The following ARHGAP20 variants were observed in gnomAD, a reference collection of about 807,000 sequenced individuals.
ARHGAP20 encodes Rho GTPase activating protein 20.
A neutral mutation model predicts 73.7 loss-of-function variants in ARHGAP20; 34 were observed. That is an observed-to-expected ratio of 0.46 (90% CI 0.35 to 0.61). ARHGAP20 has a LOEUF of 0.61. ARHGAP20 is among the 20% of genes least tolerant of loss of function. ARHGAP20 has a pLI of 0.00. For synonymous variants in ARHGAP20, 523 were observed against 518.2 expected, an observed-to-expected ratio of 1.01 and a Z score of -0.13; for missense variants, 1,314 against 1,420.9, an observed-to-expected ratio of 0.92 and a Z score of 1.21.
intron 2 of ARHGAP20, among the ~76,000 whole-genome samples, chr11:110,635,599 C>T (rs1273080386): frequency 2.0e-5 from 3 of 151,960 alleles, no homozygotes; most frequent in Non-Finnish European, 4.4e-5. Context: ...TTTCAAGAAG[C>T]GAAGTCTATT....
intron 11 of ARHGAP20, among the ~76,000 whole-genome samples, chr11:110,588,822 A>T (rs1399548894): frequency 6.6e-6 from 1 of 152,228 alleles, no homozygotes; most frequent in East Asian, 1.9e-4. Context: ...GTTTTAAAAC[A>T]CAAGCTTGGG....
rs1947456858 is a variant in ARHGAP20 at position 110,581,157 on chromosome 11, C to T, written c.1789G>A (p.Asp597Asn). ...TTTACCAAGTCACTGCATGGTGCAT[C>T]AACATCCTCATTTAGCTCATTTTCC... ...SLENELNEDVDAPCSDLVKKL... is the reference protein window; with the variant it reads ...SLENELNEDVNAPCSDLVKKL... The change falls in exon 15 of 15, where the codon GAT becomes AAT. Residue 597 changes from aspartate (D) to asparagine (N), a missense_variant. This residue lies in a region of ARHGAP20 where 230 missense variants were observed against 317.6 expected (regional missense o/e 0.72). Coordinates refer to ENST00000683387, the MANE Select transcript of ARHGAP20 (RefSeq NM_001384657.1). The T allele has an allele frequency of 1.2e-6, 2 of 1,614,062 alleles. No individual in the cohort carries two copies.
intron 2 of ARHGAP20, among the ~76,000 whole-genome samples, chr11:110,677,484 T>C (rs1172881712): frequency 1.3e-5 from 2 of 151,972 alleles, no homozygotes; most frequent in South Asian, 4.2e-4. Flanking sequence ...CGAAACCCAG[T>C]CTCTACAAAA....
At chr11:110,687,405 A>G (rs533989585) in intron 2 of ARHGAP20, among the ~76,000 whole-genome samples, 2 of 152,248 alleles carry the variant, frequency 1.3e-5, no homozygotes, top group African/African-American at 4.8e-5. Flanking sequence ...TTTTGCTACT[A>G]CTAAGAATCT....
chr11:110,637,783 G>A (rs145785631), intron 2 of ARHGAP20, among the ~76,000 whole-genome samples: 3 of 152,212 alleles, frequency 2.0e-5, no homozygotes, highest in Non-Finnish European at 4.4e-5. Flanking sequence ...GACCCTATCT[G>A]AGACTGCATT....
intron 2 of ARHGAP20, among the ~76,000 whole-genome samples, chr11:110,642,072 T>G (rs7951046): frequency 0.31 from 47,690 of 151,856 alleles, 8,361 homozygotes; most frequent in African/African-American, 0.48. Flanking sequence ...AGGAACGAAA[T>G]AATTAAACCT....
intron 2 of ARHGAP20, among the ~76,000 whole-genome samples, chr11:110,680,017 G>A (rs1183770244): frequency 6.6e-6 from 1 of 152,140 alleles, no homozygotes; most frequent in Non-Finnish European, 1.5e-5. Flanking sequence ...TAGTCAAGTT[G>A]AGGCAAGACC....
At chr11:110,643,116 T>C (rs1949110650) in intron 2 of ARHGAP20, among the ~76,000 whole-genome samples, 1 of 152,066 alleles carries the variant, frequency 6.6e-6, no homozygotes, top group Non-Finnish European at 1.5e-5. Flanking sequence ...GTGAGATTGG[T>C]TGTAACATCA....
intron 2 of ARHGAP20, among the ~76,000 whole-genome samples, chr11:110,689,099 C>G (rs553812108): frequency 6.6e-6 from 1 of 151,182 alleles, no homozygotes; most frequent in East Asian, 2.0e-4. Flanking sequence ...CCCCGGTTCA[C>G]GCCATTCTCC....
At chr11:110,692,424 C>T (rs1178983865) in intron 1 of ARHGAP20, among the ~76,000 whole-genome samples, 1 of 152,100 alleles carries the variant, frequency 6.6e-6, no homozygotes, top group East Asian at 1.9e-4. Flanking sequence ...TTTACAGGAC[C>T]AATTTACTAC....
At position 110,673,435 on chromosome 11, in the gene ARHGAP20, G is replaced by A. The variant is rs1212659580; in HGVS notation, c.188+17112C>T. On this transcript the variant is annotated intron_variant, in intron 2 of 14. Transcript: ENST00000683387. ...ATAAAAAAATTTTAAAATCAGATACGATACAACCATATTCTCTGATACAAG... is the reference window on the plus strand; with the variant it reads ...ATAAAAAAATTTTAAAATCAGATACAATACAACCATATTCTCTGATACAAG... Among the ~76,000 whole-genome samples, 12 of 152,018 alleles carry A rather than the reference G, an allele frequency of 7.9e-5. No individual in the cohort carries two copies. In the South Asian group the frequency reaches 1.7e-3, roughly 21 times the overall value.
intron 2 of ARHGAP20, among the ~76,000 whole-genome samples, chr11:110,689,615 G>A (rs1950203460): frequency 6.6e-6 from 1 of 152,162 alleles, no homozygotes; most frequent in Non-Finnish European, 1.5e-5. Flanking sequence ...TAGGTAGCTA[G>A]TCAGGTGTGA....
At chr11:110,690,703 C>A in intron 1 of ARHGAP20, 74 bp from the exon 2 acceptor site, 1 of 1,437,380 alleles carries the variant, frequency 7.0e-7, no homozygotes, top group Non-Finnish European at 9.7e-7. Context: ...TTTTTAAATC[C>A]AATTTAACAA....
At chr11:110,702,181 T>C (rs1950465944) in intron 1 of ARHGAP20, among the ~76,000 whole-genome samples, 2 of 152,102 alleles carry the variant, frequency 1.3e-5, no homozygotes, top group South Asian at 4.1e-4. Flanking sequence ...AAAAAGCTTA[T>C]CCACCATGAT....
intron 7 of ARHGAP20, among the ~76,000 whole-genome samples, chr11:110,609,957 T>G (rs753324678): frequency 6.6e-6 from 1 of 152,152 alleles, no homozygotes; most frequent in Admixed American, 6.5e-5. Flanking sequence ...CTGAAAACAC[T>G]GTAATAATAA....
intron 1 of ARHGAP20, among the ~76,000 whole-genome samples, chr11:110,694,614 T>C (rs1435421051): frequency 6.6e-6 from 1 of 151,712 alleles, no homozygotes; most frequent in Non-Finnish European, 1.5e-5. Context: ...CATGGATTAA[T>C]TACATATTCA....
chr11:110,604,814 C>T (rs185809954), intron 9 of ARHGAP20, among the ~76,000 whole-genome samples: 1 of 152,104 alleles, frequency 6.6e-6, no homozygotes, highest in Non-Finnish European at 1.5e-5. Flanking sequence ...TACTGATTTA[C>T]CAATGACTTT....
At chr11:110,623,939 C>T (rs1457144184) in intron 4 of ARHGAP20, among the ~76,000 whole-genome samples, 3 of 152,160 alleles carry the variant, frequency 2.0e-5, no homozygotes, top group Non-Finnish European at 4.4e-5. Flanking sequence ...TTAATTTTCA[C>T]ATATTTTAAT....
At chr11:110,607,101 T>C (rs1948252369) in intron 8 of ARHGAP20, among the ~76,000 whole-genome samples, 1 of 152,154 alleles carries the variant, frequency 6.6e-6, no homozygotes. Context: ...ATTAACTAGA[T>C]ATATAAATTT....
Sources: gnomAD v4.1 joint callset for allele counts (sites outside exome capture counted in the v4.1 genomes callset) on GRCh38, gnomAD v4.1.1 for gene constraint, gnomAD v4.1.1 regional missense constraint, MANE v1.5 for transcripts, NCBI Gene and HGNC (gene_info 2026-07-23, HGNC 2026-07-21) for gene names.